The following CUX1 variants were observed in gnomAD, a reference collection of about 807,000 sequenced individuals.
The protein encoded by CUX1 is cut like homeobox 1.
Under a neutral mutation model 158.8 loss-of-function variants are expected in CUX1, and 31 were observed. That is an observed-to-expected ratio of 0.20 (90% CI 0.15 to 0.26). CUX1 has a LOEUF of 0.26. CUX1 is among the 10% of genes least tolerant of loss of function. The probability of loss-of-function intolerance (pLI) is 1.00; values close to 1 mark genes in which losing one functional copy is unlikely to be tolerated. For synonymous variants in CUX1, 879 were observed against 862.1 expected (o/e 1.02, Z -0.34); for missense variants, 1,589 against 2,014.6 (o/e 0.79, Z 4.04).
At chr7:102,277,136 C>A (rs1554547907) in intron 17 of CUX1, among the ~76,000 whole-genome samples, 4 of 151,598 alleles carry the variant, frequency 2.6e-5, no homozygotes, top group Non-Finnish European at 5.9e-5. Flanking sequence ...CCCGACTCTG[C>A]AAAAATAAAA....
At chr7:102,198,575 G>A (rs1042218504) in intron 15 of CUX1, among the ~76,000 whole-genome samples, 1 of 152,208 alleles carries the variant, frequency 6.6e-6, no homozygotes, top group East Asian at 1.9e-4. Context: ...GCCGTAGGTC[G>A]CTACTTAGAT....
chr7:101,898,769 T>A (rs1801825374), intron 1 of CUX1, among the ~76,000 whole-genome samples: 1 of 152,148 alleles, frequency 6.6e-6, no homozygotes, highest in African/African-American at 2.4e-5. Flanking sequence ...ATTTATATTT[T>A]TAGTAGAGAC....
chr7:101,819,582 AATAAGT>A (rs1792250357), intron 1 of CUX1, among the ~76,000 whole-genome samples: 1 of 152,250 alleles, frequency 6.6e-6, no homozygotes, highest in Admixed American at 6.5e-5. Context: ...TGTTTGCCAT[AATAAGT>A]ATATTATTTT....
intron 22 of CUX1, among the ~76,000 whole-genome samples, chr7:102,235,756 GC>G (rs1187517415): frequency 1.9e-5 from 1 of 52,336 alleles, no homozygotes; most frequent in Non-Finnish European, 3.9e-5. Flanking sequence ...CTCTGCCCCA[GC>G]CCACCCCACC....
At chr7:102,078,802 A>G (rs1827054444) in intron 4 of CUX1, among the ~76,000 whole-genome samples, 1 of 152,002 alleles carries the variant, frequency 6.6e-6, no homozygotes, top group South Asian at 2.1e-4. Context: ...GTGCATTTGT[A>G]GGCCATTCCA....
At chr7:102,007,065 C>T (rs1043512094) in intron 2 of CUX1, among the ~76,000 whole-genome samples, 1 of 152,218 alleles carries the variant, frequency 6.6e-6, no homozygotes, top group Non-Finnish European at 1.5e-5. Context: ...AAGGAACAGA[C>T]CCCATGCACG....
At chr7:102,052,327 C>G (rs1823614939) in intron 3 of CUX1, among the ~76,000 whole-genome samples, 2 of 152,150 alleles carry the variant, frequency 1.3e-5, no homozygotes, top group Admixed American at 6.5e-5. Context: ...GCCATTCCCC[C>G]CATGTCTCTG....
intron 2 of CUX1, among the ~76,000 whole-genome samples, chr7:101,972,212 T>C (rs1007535353): frequency 4.6e-5 from 7 of 152,180 alleles, no homozygotes; most frequent in Non-Finnish European, 1.0e-4. Flanking sequence ...GTGATCCGCC[T>C]GCCTCCGCCT....
At position 102,111,788 on chromosome 7, in the gene CUX1, C is replaced by T. The variant is rs782029141; in HGVS notation, c.607+14C>T. 20 of 1,610,122 alleles carry T rather than the reference C, an allele frequency of 1.2e-5. No homozygotes were observed. In the South Asian group the frequency reaches 1.9e-4, roughly 15 times the overall value. On this transcript the variant is annotated intron_variant, in intron 7 of 23. Coordinates refer to ENST00000292535, the MANE Select transcript of CUX1 (RefSeq NM_181552.4). Reference sequence around the variant, plus strand: ...GCCTACAAACAGGTTTGATACTCTCCTTCCTAGTACCATGGATGTGGGGAG... The same window carrying T: ...GCCTACAAACAGGTTTGATACTCTCTTTCCTAGTACCATGGATGTGGGGAG...
At position 102,202,811 on chromosome 7, in the gene CUX1, C is replaced by T. The variant is rs566169508; in HGVS notation, c.2907+607C>T. ...GGCCCAAGCAGGGTGGCCCGTGTTT[C>T]CCTATCATCCTTCCCTGGCTCAGGA... On this transcript the variant is annotated intron_variant, in intron 18 of 23. Transcript: ENST00000292535. Among the ~76,000 whole-genome samples the T allele has an allele frequency of 8.5e-5, 13 of 152,292 alleles. No homozygotes were observed. The South Asian group carries it at 2.1e-3, about 24-fold the overall frequency.
At chr7:102,037,043 T>G (rs933418058) in intron 3 of CUX1, among the ~76,000 whole-genome samples, 3 of 152,148 alleles carry the variant, frequency 2.0e-5, no homozygotes, top group Non-Finnish European at 4.4e-5. Context: ...CTTACAAAAA[T>G]TAGCTGGGTG....
chr7:101,853,262 T>A (rs1796460295), intron 1 of CUX1, among the ~76,000 whole-genome samples: 1 of 152,226 alleles, frequency 6.6e-6, no homozygotes, highest in Non-Finnish European at 1.5e-5. Context: ...GAATAGATGC[T>A]TAAGTAGTAT....
At chr7:101,846,985 T>G (rs540784863) in intron 1 of CUX1, among the ~76,000 whole-genome samples, 11 of 151,912 alleles carry the variant, frequency 7.2e-5, no homozygotes, top group East Asian at 1.9e-4. Context: ...ATTTAAAAAA[T>G]TAAAAAAAAT....
intron 2 of CUX1, among the ~76,000 whole-genome samples, chr7:101,920,353 A>G (rs990827529): frequency 6.6e-6 from 1 of 151,556 alleles, no homozygotes; most frequent in African/African-American, 2.4e-5. Flanking sequence ...TGAACTCCTG[A>G]CCTTGTGATC....
At chr7:101,962,266 G>A (rs1311849087) in intron 2 of CUX1, among the ~76,000 whole-genome samples, 7 of 152,098 alleles carry the variant, frequency 4.6e-5, no homozygotes, top group African/African-American at 1.7e-4. Flanking sequence ...CTTAATCACC[G>A]TTTTCTCTCT....
At chr7:102,003,060 C>G (rs1816886562) in intron 2 of CUX1, among the ~76,000 whole-genome samples, 1 of 152,064 alleles carries the variant, frequency 6.6e-6, no homozygotes, top group Non-Finnish European at 1.5e-5. Flanking sequence ...TGCCACCACA[C>G]CCAGCTAATT....
chr7:102,147,217 C>T (rs955836803), intron 8 of CUX1, among the ~76,000 whole-genome samples: 4 of 152,082 alleles, frequency 2.6e-5, no homozygotes, highest in African/African-American at 7.2e-5. Context: ...TCTACTTCTG[C>T]CAAAGCAGAA....
intron 8 of CUX1, among the ~76,000 whole-genome samples, chr7:102,146,092 A>G (rs1343808841): frequency 6.6e-6 from 1 of 152,234 alleles, no homozygotes; most frequent in Non-Finnish European, 1.5e-5. Context: ...CTGCACACCC[A>G]GCCTGCTCTC....
rs782759081 is a variant in CUX1, at chr7:102,252,870, G to A, written c.*3828G>A. 197 of 985,446 alleles carry A rather than the reference G, an allele frequency of 2.0e-4. 1 individual carries two copies. The highest frequency in any genetic ancestry group is 7.5e-4 in the South Asian group (16 of 21,288). 61.0% of individuals were successfully genotyped at this position (985,446 alleles called of 1,614,324 possible). ...TTAGCTCAATTGGATTCTTCTAGAC[G>A]ATCTTAGGAGGCATCTTGGCATGAG... On this transcript the variant is annotated 3_prime_UTR_variant, in exon 24 of 24. Coordinates refer to ENST00000292535, the MANE Select transcript of CUX1 (RefSeq NM_181552.4).
Sources: allele counts gnomAD v4.1 joint callset (sites outside exome capture counted in the v4.1 genomes callset), GRCh38; gene constraint gnomAD v4.1.1; transcripts MANE v1.5; gene names NCBI Gene and HGNC (gene_info 2026-07-23, HGNC 2026-07-21).